The following AKAP12 variants were observed in gnomAD, a reference collection of about 807,000 sequenced individuals.
AKAP12 encodes the protein A-kinase anchoring protein 12, also known as A-kinase anchor protein 12.
In AKAP12, 32 loss-of-function variants were observed where a neutral mutation model predicts 79.9. The observed-to-expected ratio is 0.40, with a 90% CI of 0.30 to 0.54. The LOEUF is 0.54. Ranked by LOEUF, AKAP12 falls within the 20% of genes least tolerant of loss-of-function variation. AKAP12 has a pLI of 0.48. For synonymous variants in AKAP12, 808 were observed against 857.0 expected, an observed-to-expected ratio of 0.94 and a Z score of 1.00; for missense variants, 2,074 against 2,177.0, an observed-to-expected ratio of 0.95 and a Z score of 0.94.
chr6:151,311,391 T>G (rs1777095436), intron 3 of AKAP12, among the ~76,000 whole-genome samples: 1 of 152,228 alleles, frequency 6.6e-6, no homozygotes, highest in South Asian at 2.1e-4. Flanking sequence ...GGCTAGCTGC[T>G]TTAAAACTGT....
chr6:151,327,010 T>C (rs1365172417), intron 3 of AKAP12, among the ~76,000 whole-genome samples: 1 of 152,062 alleles, frequency 6.6e-6, no homozygotes, highest in Admixed American at 6.6e-5. Flanking sequence ...AGAGCCGGGG[T>C]TTCACCAAGT....
At chr6:151,287,536 C>T (rs988900612) in intron 2 of AKAP12, among the ~76,000 whole-genome samples, 3 of 152,198 alleles carry the variant, frequency 2.0e-5, no homozygotes, top group Non-Finnish European at 2.9e-5. Flanking sequence ...GCTAGGATTA[C>T]AGGCGTGAGC....
chr6:151,333,215 C>A (rs537954415), intron 3 of AKAP12, among the ~76,000 whole-genome samples: 1 of 152,082 alleles, frequency 6.6e-6, no homozygotes, highest in Non-Finnish European at 1.5e-5. Flanking sequence ...TGTGCCAGGC[C>A]TGCACGGGTT....
intron 3 of AKAP12, among the ~76,000 whole-genome samples, chr6:151,322,911 C>T (rs762280619): frequency 6.6e-6 from 1 of 152,204 alleles, no homozygotes; most frequent in East Asian, 1.9e-4. Flanking sequence ...TTCTATCATC[C>T]ATCTATGTAT....
chr6:151,241,122 C>G lies in AKAP12; in HGVS notation c.162+398C>G, dbSNP rs190202439. On this transcript the variant is annotated intron_variant, in intron 2 of 4. Transcript: ENST00000402676. ...ACCCCGGGCCGGGCCTCCGGAGCTC[C>G]GAGATGCGGAAAGTCAGCTGTGAGG... 1.5e-3 allele frequency among the ~76,000 whole-genome samples: 236 copies of G among 152,320 alleles called. 2 individuals carry two copies. Among genetic ancestry groups the G allele is most frequent in the Non-Finnish European group, 8.2e-4 (56 of 68,036 alleles).
chr6:151,305,645 T>C (rs1776961736), intron 2 of AKAP12, 102 bp from the exon 3 acceptor site: 3 of 1,178,590 alleles, frequency 2.5e-6, no homozygotes, highest in Non-Finnish European at 1.2e-6. Context: ...CTTTTCTCTG[T>C]ATTTCTTCTT....
At chr6:151,260,756 GCCCC>G (rs1195460990) in intron 2 of AKAP12, among the ~76,000 whole-genome samples, 1 of 149,440 alleles carries the variant, frequency 6.7e-6, no homozygotes. Flanking sequence ...ACTTTGGGAG[GCCCC>G]CAGTGGGCGG....
intron 2 of AKAP12, among the ~76,000 whole-genome samples, chr6:151,260,570 C>T (rs1797406867): frequency 6.6e-6 from 1 of 152,166 alleles, no homozygotes; most frequent in African/African-American, 2.4e-5. Context: ...TAAGGCCAGC[C>T]CCTTGTTTCA....
At chr6:151,355,455 A>G (rs915894201) in intron 4 of AKAP12, among the ~76,000 whole-genome samples, 6 of 151,972 alleles carry the variant, frequency 3.9e-5, no homozygotes, top group Non-Finnish European at 8.8e-5. Context: ...GGTGCATGCC[A>G]CCATGCCCAG....
intron 2 of AKAP12, among the ~76,000 whole-genome samples, chr6:151,265,438 A>G (rs1347042377): frequency 6.6e-6 from 1 of 152,212 alleles, no homozygotes; most frequent in East Asian, 1.9e-4. Flanking sequence ...CCCATTCTAA[A>G]AATGGTCCAA....
chr6:151,285,272 G>C (rs147997785), intron 2 of AKAP12, among the ~76,000 whole-genome samples: 230 of 152,264 alleles, frequency 1.5e-3, no homozygotes, highest in African/African-American at 5.3e-3. Flanking sequence ...CATTGTCATA[G>C]GAGTGGATAC....
intron 3 of AKAP12, among the ~76,000 whole-genome samples, chr6:151,312,607 C>T (rs1234990164): frequency 4.6e-5 from 7 of 152,030 alleles, no homozygotes; most frequent in South Asian, 2.1e-4. Context: ...CAGGCTAACA[C>T]GGTGAAACTC....
At chr6:151,290,248 C>T (rs918500567) in intron 2 of AKAP12, among the ~76,000 whole-genome samples, 2 of 151,978 alleles carry the variant, frequency 1.3e-5, no homozygotes, top group Non-Finnish European at 2.9e-5. Flanking sequence ...GAAAACTGGG[C>T]AGTGTCTGGA....
chr6:151,355,088 C>T (rs1268257849), intron 4 of AKAP12, among the ~76,000 whole-genome samples: 5 of 151,122 alleles, frequency 3.3e-5, no homozygotes, highest in Non-Finnish European at 7.4e-5. Context: ...CTCAGTCTCC[C>T]AGGTTCAAGC....
intron 2 of AKAP12, among the ~76,000 whole-genome samples, chr6:151,260,863 G>A (rs942609923): frequency 6.6e-6 from 1 of 152,160 alleles, no homozygotes; most frequent in African/African-American, 2.4e-5. Flanking sequence ...GTGGTGGTGC[G>A]CACCTGTAGT....
intron 2 of AKAP12, among the ~76,000 whole-genome samples, chr6:151,260,989 T>C (rs1797418196): frequency 6.6e-6 from 1 of 151,626 alleles, no homozygotes; most frequent in Non-Finnish European, 1.5e-5. Flanking sequence ...GACCCTCTGT[T>C]TATATTCCTC....
chr6:151,328,754 T>C (rs779830310), intron 3 of AKAP12, among the ~76,000 whole-genome samples: 13 of 152,224 alleles, frequency 8.5e-5, no homozygotes, highest in Non-Finnish European at 1.6e-4. Context: ...TCTTTAGTAC[T>C]ATGTTATTTT....
chr6:151,305,722 T>C (rs759146999), intron 2 of AKAP12, 25 bp from the exon 3 acceptor site: 63 of 1,592,530 alleles, frequency 4.0e-5, no homozygotes, highest in Non-Finnish European at 5.0e-5. Context: ...GAAATTAAGT[T>C]TCTATGGCTT....
At chr6:151,346,127 C>A (rs1323410417) in intron 3 of AKAP12, among the ~76,000 whole-genome samples, 1 of 152,086 alleles carries the variant, frequency 6.6e-6, no homozygotes, top group Non-Finnish European at 1.5e-5. Flanking sequence ...CAAAAATGTC[C>A]TTTTGCTGTT....
Sources: gnomAD v4.1 joint callset for allele counts (sites outside exome capture counted in the v4.1 genomes callset) on GRCh38, gnomAD v4.1.1 for gene constraint, MANE v1.5 for transcripts, NCBI Gene and HGNC (gene_info 2026-07-23, HGNC 2026-07-21) for gene names.